NPM1: variants seen among roughly 807,000 people sequenced by gnomAD.
NPM1 encodes the protein nucleophosmin 1.
A neutral mutation model predicts 44.1 loss-of-function variants in NPM1; 1 was observed. The observed-to-expected ratio is 0.02, with a 90% confidence interval of 0.01 to 0.11. NPM1 has a LOEUF of 0.11. NPM1 is among the 10% of genes least tolerant of loss of function. The pLI is 1.00. For synonymous variants in NPM1, 126 were observed against 111.8 expected (o/e 1.13, Z -0.80); for missense variants, 197 against 347.8 (o/e 0.57, Z 3.45).
At position 171,397,110 on chromosome 5, in the gene NPM1, A is replaced by G. The variant is rs1296814844; in HGVS notation, c.525-3043A>G. 3.9e-5 allele frequency among the ~76,000 whole-genome samples: 6 copies of G among 152,084 alleles called. No homozygotes were observed. In the East Asian group the frequency reaches 5.8e-4, roughly 15 times the overall value. On this transcript the variant is annotated intron_variant, in intron 6 of 10. Transcript: ENST00000296930. ...CCCTCATGCTCTTCAGCTCTAGTCAACCACGAATGAACTTTGTCTATAGGT... is the reference window on the plus strand; with the variant it reads ...CCCTCATGCTCTTCAGCTCTAGTCAGCCACGAATGAACTTTGTCTATAGGT...
intron 8 of NPM1, among the ~76,000 whole-genome samples, chr5:171,403,152 G>A (rs1389453212): frequency 6.4e-4 from 64 of 100,316 alleles, no homozygotes; most frequent in African/African-American, 2.2e-3. Context: ...AGGACCCTGC[G>A]GCCTTCCGCA....
At chr5:171,401,088 C>G (rs1213037948) in intron 8 of NPM1, among the ~76,000 whole-genome samples, 163 bp downstream of exon 8, 1 of 152,000 alleles carries the variant, frequency 6.6e-6, no homozygotes, top group Non-Finnish European at 1.5e-5. Context: ...CTCAGTGGCT[C>G]ACTCCTGTAA....
At chr5:171,392,674 C>A in intron 4 of NPM1, 36 bp from the exon 5 acceptor site, 1 of 1,379,954 alleles carries the variant, frequency 7.2e-7, no homozygotes, top group Non-Finnish European at 1.0e-6. Context: ...CTTCTTGCTG[C>A]TTGAGTTTTA....
intron 8 of NPM1, 109 bp from the exon 9 acceptor site, chr5:171,405,193 C>A: frequency 1.6e-6 from 1 of 635,180 alleles, no homozygotes; most frequent in Non-Finnish European, 2.8e-6. Context: ...GTATAATTAG[C>A]TTTATAAGGG....
chr5:171,406,099 T>G (rs1433618432), intron 9 of NPM1, among the ~76,000 whole-genome samples: 1 of 152,126 alleles, frequency 6.6e-6, no homozygotes, highest in African/African-American at 2.4e-5. Flanking sequence ...AATAATACTT[T>G]TAGACTCCAA....
At chr5:171,408,496 T>A (rs77472254) in intron 10 of NPM1, among the ~76,000 whole-genome samples, 5,553 of 152,236 alleles carry the variant, frequency 0.036, 382 homozygotes, top group African/African-American at 0.13. Context: ...AGCTGGTTTT[T>A]TTTCTGCCAT....
chr5:171,398,851 C>T lies in NPM1; in HGVS notation c.525-1302C>T, dbSNP rs115167079. Among the ~76,000 whole-genome samples, 804 of 152,268 alleles carry T rather than the reference C, an allele frequency of 5.3e-3. 10 individuals carry two copies. The highest frequency in any genetic ancestry group is 0.018 in the African/African-American group (765 of 41,560). On this transcript the variant is annotated intron_variant, in intron 6 of 10. Coordinates refer to ENST00000296930, the MANE Select transcript of NPM1 (RefSeq NM_002520.7). ...CATGTAAGAACAGTACAACACTGTT[C>T]CTCTGTGGTTTTTATTTATTTATTT...
intron 10 of NPM1, among the ~76,000 whole-genome samples, chr5:171,410,261 T>C (rs972767363): frequency 6.6e-6 from 1 of 152,250 alleles, no homozygotes; most frequent in Non-Finnish European, 1.5e-5. Context: ...TGGGTCTCTG[T>C]TCTTTCTGTT....
chr5:171,391,549 G>C, intron 3 of NPM1, 125 bp downstream of exon 3: 1 of 1,286,774 alleles, frequency 7.8e-7, no homozygotes, highest in South Asian at 1.4e-5. Context: ...ACTGGAGTTC[G>C]ATGGTCAACT....
At chr5:171,403,249 A>ACAT (rs1771329918) in intron 8 of NPM1, among the ~76,000 whole-genome samples, 1 of 90,528 alleles carries the variant, frequency 1.1e-5, no homozygotes, top group Admixed American at 1.1e-4. Flanking sequence ...TTAACAAAGC[A>ACAT]CATCTTGCAC....
At chr5:171,408,701 T>G (rs1771685092) in intron 10 of NPM1, among the ~76,000 whole-genome samples, 1 of 152,220 alleles carries the variant, frequency 6.6e-6, no homozygotes. Flanking sequence ...GTGTGAGTTT[T>G]GGGAGTTTAT....
intron 6 of NPM1, among the ~76,000 whole-genome samples, chr5:171,395,730 T>C (rs894317371): frequency 1.3e-5 from 2 of 152,232 alleles, no homozygotes; most frequent in African/African-American, 2.4e-5. Flanking sequence ...AGGTTCGTTA[T>C]AGTTACTTAG....
At chr5:171,407,454 A>G in intron 9 of NPM1, 1 of 484,918 alleles carries the variant, frequency 2.1e-6, no homozygotes, top group South Asian at 3.1e-5. Flanking sequence ...CTTATATTTT[A>G]TGTTCCTAGA....
intron 1 of NPM1, among the ~76,000 whole-genome samples, chr5:171,388,323 T>C (rs139742490): frequency 5.1e-4 from 78 of 152,242 alleles, no homozygotes; most frequent in African/African-American, 1.4e-3. Context: ...GTGGCGGAGC[T>C]CCAGGCGTGG....
At chr5:171,400,555 G>A (rs186993373) in intron 7 of NPM1, among the ~76,000 whole-genome samples, 3 of 150,762 alleles carry the variant, frequency 2.0e-5, no homozygotes, top group African/African-American at 7.3e-5. Flanking sequence ...CTCCCGGGTT[G>A]AAGCGATTCT....
chr5:171,389,795 T>G (rs1770477788), intron 1 of NPM1, among the ~76,000 whole-genome samples: 1 of 152,224 alleles, frequency 6.6e-6, no homozygotes, highest in East Asian at 1.9e-4. Context: ...AGCTTGTTTA[T>G]GCAGAATAAC....
chr5:171,391,187 C>T (rs2113165607), intron 2 of NPM1, 118 bp from the exon 3 acceptor site: 2 of 1,158,574 alleles, frequency 1.7e-6, no homozygotes, highest in Non-Finnish European at 2.5e-6. Flanking sequence ...TCTAACAACA[C>T]ATTTCTCAGA....
intron 10 of NPM1, among the ~76,000 whole-genome samples, chr5:171,410,006 G>A (rs924289320): frequency 1.1e-4 from 17 of 152,052 alleles, no homozygotes; most frequent in African/African-American, 3.9e-4. Context: ...ATGTTGCCCA[G>A]GCTGGTCTCA....
chr5:171,404,938 CTTTTT>C (rs549282227), intron 8 of NPM1, among the ~76,000 whole-genome samples: 1 of 148,050 alleles, frequency 6.8e-6, no homozygotes, highest in African/African-American at 2.5e-5. Context: ...CCAAGTTACT[CTTTTT>C]TTTTTTATTT....
Sources: gnomAD v4.1 joint callset for allele counts (sites outside exome capture counted in the v4.1 genomes callset) on GRCh38, gnomAD v4.1.1 for gene constraint, MANE v1.5 for transcripts, NCBI Gene and HGNC (gene_info 2026-07-23, HGNC 2026-07-21) for gene names.